Variants in ABCG2 observed in about 807,000 individuals in gnomAD.
ABCG2 encodes ATP binding cassette subfamily G member 2 (JR blood group).
In ABCG2, 80 loss-of-function variants were observed where a neutral mutation model predicts 73.5. That is an observed-to-expected ratio of 1.09 (90% confidence interval 0.91 to 1.31). The LOEUF is 1.31. Ranked by LOEUF, ABCG2 falls within the 50% of genes most tolerant of loss-of-function variation. The probability of loss-of-function intolerance (pLI) is 0.00; values close to 1 mark genes in which losing one functional copy is unlikely to be tolerated. For missense variants in ABCG2, 796 were observed against 786.2 expected, an observed-to-expected ratio of 1.01 and a Z score of -0.15; for synonymous variants, 269 against 282.4, an observed-to-expected ratio of 0.95 and a Z score of 0.48.
At chr4:88,215,865 T>C (rs1285907100) in intron 1 of ABCG2, among the ~76,000 whole-genome samples, 1 of 152,182 alleles carries the variant, frequency 6.6e-6, no homozygotes, top group African/African-American at 2.4e-5. Context: ...AGTTGCCAAA[T>C]TGTGCGTTGT....
At chr4:88,107,158 G>GA in intron 10 of ABCG2, 26 bp downstream of exon 10, 1 of 1,537,136 alleles carries the variant, frequency 6.5e-7, no homozygotes, top group Non-Finnish European at 8.9e-7. Flanking sequence ...AGCATTTTCT[G>GA]AAAATCAAGA....
chr4:88,144,013 CAG>C (rs2110062053), intron 1 of ABCG2, among the ~76,000 whole-genome samples: 1 of 152,290 alleles, frequency 6.6e-6, no homozygotes, highest in South Asian at 2.1e-4. Flanking sequence ...TCCCCATGGT[CAG>C]AAGCTTTCTG....
chr4:88,142,404 T>C (rs959898476), intron 1 of ABCG2, among the ~76,000 whole-genome samples: 3 of 152,194 alleles, frequency 2.0e-5, no homozygotes, highest in Non-Finnish European at 4.4e-5. Flanking sequence ...TAACTGTTTC[T>C]GTAATCCAGA....
chr4:88,194,549 C>CAAAAAAAAAAAA (rs58945293), intron 1 of ABCG2, among the ~76,000 whole-genome samples: 4 of 52,554 alleles, frequency 7.6e-5, no homozygotes, highest in Non-Finnish European at 1.2e-4. Flanking sequence ...GACTCCGTCT[C>CAAAAAAAAAAAA]AAAAAAAAAA....
At chr4:88,162,099 C>A (rs1278428348), upstream of ABCG2, among the ~76,000 whole-genome samples, 1 of 151,918 alleles carries the variant, frequency 6.6e-6, no homozygotes, top group Non-Finnish European at 1.5e-5. Context: ...GTGGACCTAG[C>A]TATTTGGGGG....
At chr4:88,176,479 T>A (rs1727982741) in intron 1 of ABCG2, among the ~76,000 whole-genome samples, 1 of 16,130 alleles carries the variant, frequency 6.2e-5, no homozygotes, top group Non-Finnish European at 7.0e-4. Flanking sequence ...AGAGAATGCT[T>A]TTTTTTTTTT....
At chr4:88,212,761 CT>C (rs561672273) in intron 1 of ABCG2, among the ~76,000 whole-genome samples, 68 of 152,278 alleles carry the variant, frequency 4.5e-4, no homozygotes, top group African/African-American at 1.6e-3. Context: ...CTCTGCTCCC[CT>C]TTTGCTTTGT....
chr4:88,142,614 G>A (rs1725718656), intron 1 of ABCG2, among the ~76,000 whole-genome samples: 1 of 152,134 alleles, frequency 6.6e-6, no homozygotes, highest in Non-Finnish European at 1.5e-5. Context: ...CTGTCCTTGA[G>A]TTCTGCATCT....
intron 7 of ABCG2, among the ~76,000 whole-genome samples, chr4:88,117,493 C>T (rs556739063): frequency 8.9e-4 from 135 of 151,970 alleles, no homozygotes; most frequent in African/African-American, 1.5e-3. Context: ...AAAAATTAGC[C>T]GGGCATGGTT....
intron 1 of ABCG2, among the ~76,000 whole-genome samples, chr4:88,215,833 C>T (rs184723677): frequency 4.6e-5 from 7 of 152,272 alleles, no homozygotes; most frequent in Non-Finnish European, 2.9e-5. Context: ...AATCTAGGTC[C>T]GTTAGGCAGA....
At chr4:88,213,983 T>A (rs1270789538) in intron 1 of ABCG2, among the ~76,000 whole-genome samples, 4 of 2,612 alleles carry the variant, frequency 1.5e-3, no homozygotes, top group Non-Finnish European at 3.6e-3. Context: ...ACGCCCGGCC[T>A]TTTTTTTTTT....
chr4:88,158,353 C>A (rs555178995), intron 1 of ABCG2, 33 bp downstream of exon 1: 2 of 364,402 alleles, frequency 5.5e-6, no homozygotes, highest in South Asian at 4.0e-5. Flanking sequence ...CAGACACACA[C>A]TCTCAGCGAA....
chr4:88,181,288 T>C (rs1728223393), intron 1 of ABCG2, among the ~76,000 whole-genome samples: 1 of 150,422 alleles, frequency 6.6e-6, no homozygotes, highest in Admixed American at 6.7e-5. Context: ...TAATCCTAGC[T>C]ACTTGGGAGG....
chr4:88,126,410 C>A (rs972053667), intron 5 of ABCG2, among the ~76,000 whole-genome samples: 2 of 152,220 alleles, frequency 1.3e-5, no homozygotes, highest in African/African-American at 4.8e-5. Flanking sequence ...AGAGGAACTT[C>A]TCCCTAACTC....
At chr4:88,200,537 T>C (rs1328060928) in intron 1 of ABCG2, among the ~76,000 whole-genome samples, 1 of 151,914 alleles carries the variant, frequency 6.6e-6, no homozygotes, top group Non-Finnish European at 1.5e-5. Flanking sequence ...GAAAATGAAA[T>C]CTACATAAAG....
intron 9 of ABCG2, among the ~76,000 whole-genome samples, chr4:88,110,630 G>C (rs1356048063): frequency 2.0e-5 from 3 of 152,132 alleles, no homozygotes; most frequent in Admixed American, 2.0e-4. Flanking sequence ...CTCCCAAAGT[G>C]CTGGGGTTAT....
chr4:88,132,139 C>A (rs1724934844), intron 3 of ABCG2, among the ~76,000 whole-genome samples: 1 of 152,134 alleles, frequency 6.6e-6, no homozygotes, highest in South Asian at 2.1e-4. Context: ...TACAATAAAG[C>A]CCCAAAACAT....
rs534782095 is a variant in ABCG2, at chr4:88,111,830, C to T, written c.1194+1473G>A. ...AAAAGGCCAGGCATGGTGGCTCACA[C>T]CTGTGATCCCAGCACTTTGGGAGGC... On this transcript the variant is annotated intron_variant, in intron 9 of 15. Transcript: ENST00000237612. Among the ~76,000 whole-genome samples, 3 of 152,268 alleles carry T rather than the reference C, an allele frequency of 2.0e-5. No homozygotes were observed. The South Asian group carries it at 6.2e-4, about 32-fold the overall frequency.
At chr4:88,231,496 G>A (rs550687069), upstream of ABCG2, among the ~76,000 whole-genome samples, 123 of 152,156 alleles carry the variant, frequency 8.1e-4, 1 homozygote, top group Non-Finnish European at 2.1e-4. Flanking sequence ...TCTTTGTGCC[G>A]CGGAATTCTG....
Sources: allele counts gnomAD v4.1 joint callset (sites outside exome capture counted in the v4.1 genomes callset), GRCh38; gene constraint gnomAD v4.1.1; transcripts MANE v1.5; gene names NCBI Gene and HGNC (gene_info 2026-07-23, HGNC 2026-07-21).